The following RCAN2 variants were observed in gnomAD, a reference collection of about 807,000 sequenced individuals.
RCAN2 encodes calcipressin-2.
In RCAN2, 9 loss-of-function variants were observed where a neutral mutation model predicts 23.6. That is an observed-to-expected ratio of 0.38 (90% CI 0.23 to 0.67). The LOEUF is 0.67. Ranked by LOEUF, RCAN2 falls within the 30% of genes least tolerant of loss-of-function variation. The pLI is 0.51. For synonymous variants in RCAN2, 109 were observed against 115.7 expected (o/e 0.94, Z 0.37); for missense variants, 273 against 302.3 (o/e 0.90, Z 0.72).
chr6:46,310,646 A>T (rs1763226591), intron 2 of RCAN2, among the ~76,000 whole-genome samples: 1 of 152,200 alleles, frequency 6.6e-6, no homozygotes, highest in African/African-American at 2.4e-5. Context: ...GCAAATAAAT[A>T]GCTGTTTTAA....
At chr6:46,369,622 T>C (rs1765273910) in intron 2 of RCAN2, among the ~76,000 whole-genome samples, 1 of 152,204 alleles carries the variant, frequency 6.6e-6, no homozygotes, top group African/African-American at 2.4e-5. Context: ...ATGGAGCACA[T>C]GACTGTACTA....
chr6:46,390,785 A>T (rs576150991), intron 2 of RCAN2, among the ~76,000 whole-genome samples: 1 of 152,332 alleles, frequency 6.6e-6, no homozygotes, highest in East Asian at 1.9e-4. Flanking sequence ...GAGCAATGAG[A>T]GCCATTTTTG....
intron 1 of RCAN2, among the ~76,000 whole-genome samples, chr6:46,459,404 T>C (rs563591638): frequency 1.3e-5 from 2 of 152,208 alleles, no homozygotes; most frequent in African/African-American, 2.4e-5. Context: ...GCCGAACAAA[T>C]TAATTAAATA....
Position 46,328,536 on chromosome 6 carries a change from T to C in RCAN2, c.226-79640A>G, listed in dbSNP as rs564331964. Among the ~76,000 whole-genome samples, 16 of 152,332 alleles carry C rather than the reference T, an allele frequency of 1.1e-4. 1 individual carries two copies. The South Asian group carries it at 3.1e-3, about 30-fold the overall frequency. On this transcript the variant is annotated intron_variant, in intron 2 of 4. Transcript: ENST00000371374. ...TTAATAGTCATTCGTCTATACAATA[T>C]GGTCATTTTCCTATTGGCTAGAGAG... is the stretch of plus-strand genomic sequence containing the variant.
intron 2 of RCAN2, among the ~76,000 whole-genome samples, chr6:46,260,380 A>G (rs1767069932): frequency 6.6e-6 from 1 of 152,156 alleles, no homozygotes; most frequent in African/African-American, 2.4e-5. Flanking sequence ...TGAATCCGCA[A>G]AGTTTAAGTC....
In RCAN2 at chr6:46,452,777, C is replaced by T. The variant is rs539427505; in HGVS notation, c.225+3975G>A. Among the ~76,000 whole-genome samples, 4 of 152,238 alleles carry T rather than the reference C, an allele frequency of 2.6e-5. No individual in the cohort carries two copies. The East Asian group carries it at 5.8e-4, about 22-fold the overall frequency. On this transcript the variant is annotated intron_variant, in intron 2 of 4. Coordinates refer to ENST00000371374, the MANE Select transcript of RCAN2 (RefSeq NM_001251974.2). Reference sequence around the variant, plus strand: ...CCAAATGCTATATAGGTATTTGCTGCTGATGTTATAATTATTAATAAATTG... The same window carrying T: ...CCAAATGCTATATAGGTATTTGCTGTTGATGTTATAATTATTAATAAATTG...
intron 2 of RCAN2, among the ~76,000 whole-genome samples, chr6:46,369,364 G>A (rs553468362): frequency 6.6e-6 from 1 of 152,242 alleles, no homozygotes; most frequent in South Asian, 2.1e-4. Context: ...ATAGTAAACT[G>A]GTAACATAGT....
At chr6:46,269,582 G>T (rs1451080675) in intron 2 of RCAN2, among the ~76,000 whole-genome samples, 1 of 152,162 alleles carries the variant, frequency 6.6e-6, no homozygotes, top group Non-Finnish European at 1.5e-5. Flanking sequence ...GGAGATCCTT[G>T]GTCATGCATT....
chr6:46,409,172 C>T (rs918751026), intron 2 of RCAN2, among the ~76,000 whole-genome samples: 3 of 152,108 alleles, frequency 2.0e-5, no homozygotes, highest in African/African-American at 7.2e-5. Flanking sequence ...AATGGTCTAA[C>T]ATGATTTCTC....
intron 2 of RCAN2, among the ~76,000 whole-genome samples, chr6:46,412,227 G>T (rs1468412529): frequency 6.6e-6 from 1 of 152,216 alleles, no homozygotes; most frequent in Non-Finnish European, 1.5e-5. Context: ...TTTTTGGCTT[G>T]AGTCTGAGTA....
At chr6:46,486,342 G>C (rs1201713143) in intron 1 of RCAN2, among the ~76,000 whole-genome samples, 1 of 152,116 alleles carries the variant, frequency 6.6e-6, no homozygotes, top group African/African-American at 2.4e-5. Context: ...CTGGAACAGG[G>C]GCAGCATTCA....
chr6:46,328,969 G>C (rs1209896997), intron 2 of RCAN2, among the ~76,000 whole-genome samples: 4 of 152,186 alleles, frequency 2.6e-5, no homozygotes, highest in Non-Finnish European at 5.9e-5. Context: ...CTAGAATATA[G>C]ATACACTTTG....
intron 2 of RCAN2, among the ~76,000 whole-genome samples, chr6:46,350,263 T>C (rs9395176): frequency 0.42 from 64,273 of 151,998 alleles, 15,055 homozygotes; most frequent in East Asian, 0.6. Flanking sequence ...AAAAATCTCA[T>C]ATTGAACAAC....
At chr6:46,353,703 A>G (rs142984454) in intron 2 of RCAN2, among the ~76,000 whole-genome samples, 1 of 152,286 alleles carries the variant, frequency 6.6e-6, no homozygotes, top group African/African-American at 2.4e-5. Flanking sequence ...AACTCTTTTT[A>G]AAGAGGAAAA....
At chr6:46,484,752 C>A (rs1768951008) in intron 1 of RCAN2, among the ~76,000 whole-genome samples, 1 of 152,240 alleles carries the variant, frequency 6.6e-6, no homozygotes. Flanking sequence ...CAGAAATCAA[C>A]TTTCCTACAA....
intron 2 of RCAN2, among the ~76,000 whole-genome samples, chr6:46,329,914 G>C (rs1763910281): frequency 6.6e-6 from 1 of 152,178 alleles, no homozygotes; most frequent in South Asian, 2.1e-4. Flanking sequence ...CTCAGCAGGA[G>C]GAGATGCACA....
intron 2 of RCAN2, among the ~76,000 whole-genome samples, chr6:46,456,377 T>C (rs1417547606): frequency 6.6e-6 from 1 of 152,218 alleles, no homozygotes; most frequent in South Asian, 2.1e-4. Context: ...GAGTTTGTAT[T>C]GTTTTGAGAA....
chr6:46,288,071 G>A (rs576285114), intron 2 of RCAN2, among the ~76,000 whole-genome samples: 16 of 152,250 alleles, frequency 1.1e-4, no homozygotes, highest in East Asian at 5.8e-4. Context: ...ATTCCTGAGC[G>A]TTCTTCCTAA....
chr6:46,254,539 G>C (rs1479970102), intron 2 of RCAN2, among the ~76,000 whole-genome samples: 1 of 152,166 alleles, frequency 6.6e-6, no homozygotes, highest in African/African-American at 2.4e-5. Flanking sequence ...GTGAAGGGCA[G>C]AGAAAAAGCT....
Sources: allele counts gnomAD v4.1 joint callset (sites outside exome capture counted in the v4.1 genomes callset), GRCh38; gene constraint gnomAD v4.1.1; transcripts MANE v1.5; gene names NCBI Gene and HGNC (gene_info 2026-07-23, HGNC 2026-07-21).